The following DYTN variants were observed in gnomAD, a reference collection of about 807,000 sequenced individuals.
DYTN encodes dystrotelin.
Under a neutral mutation model 69.6 loss-of-function variants are expected in DYTN, and 75 were observed. The ratio of observed to expected loss-of-function variants is 1.08; its 90% confidence interval spans 0.89 to 1.31. The LOEUF (loss-of-function observed/expected upper bound fraction) is 1.31, where lower values mean the gene tolerates loss of function less well. Among genes scored for constraint, DYTN ranks in the 50% most tolerant of loss-of-function variants. The pLI, the probability that DYTN is intolerant of heterozygous loss-of-function variation, is 0.00. For missense variants in DYTN, 726 were observed against 688.4 expected (o/e 1.05, Z -0.61); for synonymous variants, 252 against 249.1 (o/e 1.01, Z -0.11).
At chr2:206,663,826 C>T (rs370334271) in intron 10 of DYTN, among the ~76,000 whole-genome samples, 8 of 152,224 alleles carry the variant, frequency 5.3e-5, no homozygotes, top group South Asian at 4.2e-4. Context: ...GGATGTGCTC[C>T]GCTTGAAGCA....
Position 206,718,372 on chromosome 2 carries a change from T to C in DYTN, c.-93A>G, listed in dbSNP as rs1700148568. 1.4e-6 allele frequency: 2 copies of C among 1,414,872 alleles called. No individual in the cohort carries two copies. Among genetic ancestry groups the C allele is most frequent in the Non-Finnish European group, 9.7e-7 (1 of 1,031,228 alleles). The allele number at this position is 1,414,872 out of a possible 1,614,324, so 87.6% of individuals were successfully genotyped here. ...AGCAGAAGGTTTTGCAGCAGAGGAA[T>C]GAGGACAGGGGAACAAAAAGGCAAC... On this transcript the variant is annotated 5_prime_UTR_variant, in exon 1 of 12. Coordinates refer to ENST00000452335, the MANE Select transcript of DYTN (RefSeq NM_001093730.1).
chr2:206,681,609 C>T (rs957082866), intron 9 of DYTN, among the ~76,000 whole-genome samples: 7 of 151,962 alleles, frequency 4.6e-5, no homozygotes, highest in African/African-American at 1.7e-4. Context: ...TTATTGAAGG[C>T]CTTTTCTGCA....
At chr2:206,698,471 C>A (rs189426536) in intron 7 of DYTN, among the ~76,000 whole-genome samples, 2 of 152,140 alleles carry the variant, frequency 1.3e-5, no homozygotes, top group African/African-American at 4.8e-5. Flanking sequence ...GGCCTCTTGT[C>A]CCCTTCTCCT....
rs1392435451 is a variant in DYTN at position 206,651,930 on chromosome 2, A to C, written c.1634-9T>G. ...TACTGAAGACTCCGGGCCTGAAATC[A>C]ACAAACAAGAGAGTCATTTAGAGAA... On this transcript the variant is annotated splice_polypyrimidine_tract_variant and intron_variant, in intron 11 of 11. Transcript: ENST00000452335. The C allele has an allele frequency of 2.5e-6, 4 of 1,608,546 alleles. No individual in the cohort carries two copies. The Middle Eastern group carries it at 5.0e-4, about 200-fold the overall frequency.
chr2:206,709,614 T>G (rs1700061076), intron 2 of DYTN, among the ~76,000 whole-genome samples: 1 of 152,082 alleles, frequency 6.6e-6, no homozygotes. Context: ...TACCCTACAT[T>G]CACATATATT....
intron 1 of DYTN, among the ~76,000 whole-genome samples, chr2:206,715,322 T>C (rs1460130640): frequency 2.6e-5 from 4 of 152,052 alleles, no homozygotes; most frequent in Non-Finnish European, 5.9e-5. Flanking sequence ...GCCTTCCTCA[T>C]TGAGATTCCT....
chr2:206,692,450 C>A (rs1003774353), intron 9 of DYTN, among the ~76,000 whole-genome samples: 3 of 152,038 alleles, frequency 2.0e-5, no homozygotes, highest in African/African-American at 7.2e-5. Context: ...ATTTGGCATT[C>A]TGAATTTCGA....
At position 206,705,811 on chromosome 2, in the gene DYTN, T is replaced by C; in HGVS notation, c.359A>G (p.Asp120Gly). ...ACCTCGGTATTTTGAAAGAGGGCTG[T>C]CTCCTGAGAGGGTTATTAGGGCAGC... Reference protein sequence around the residue: ...AAAALITLSGDSPLSKYRALF... With the variant: ...AAAALITLSGGSPLSKYRALF... The change falls in exon 4 of 12, where the codon GAC becomes GGC. Residue 120 changes from aspartate to glycine, a missense_variant. Coordinates refer to ENST00000452335, the MANE Select transcript of DYTN (RefSeq NM_001093730.1). The C allele has an allele frequency of 2.5e-6, 4 of 1,613,878 alleles. No homozygotes were observed. Among genetic ancestry groups the C allele is most frequent in the Non-Finnish European group, 3.4e-6 (4 of 1,179,854 alleles).
intron 1 of DYTN, among the ~76,000 whole-genome samples, chr2:206,717,405 G>C (rs904246102): frequency 1.8e-4 from 28 of 152,176 alleles, no homozygotes; most frequent in African/African-American, 6.8e-4. Context: ...CTGGGAACCT[G>C]TTAGAAATGT....
chr2:206,704,819 A>G lies in DYTN; in HGVS notation c.483+24T>C, dbSNP rs1442212802. On this transcript the variant is annotated intron_variant, in intron 5 of 11. Transcript: ENST00000452335. ...GGCAAATTAACTGAAACAAATGTAC[A>G]GTTCTTAAGTATTAGGAATTTACCT... 2.5e-6 allele frequency: 4 copies of G among 1,590,032 alleles called. No individual in the cohort carries two copies. The Admixed American group carries it at 6.8e-5, about 27-fold the overall frequency.
chr2:206,704,981 T>G (rs775251134), intron 4 of DYTN, 38 bp from the exon 5 acceptor site: 16 of 1,523,332 alleles, frequency 1.1e-5, no homozygotes, highest in Non-Finnish European at 1.4e-5. Flanking sequence ...AATTGAATAC[T>G]TGCAATGTAT....
At chr2:206,687,686 G>A (rs1407907682) in intron 9 of DYTN, among the ~76,000 whole-genome samples, 1 of 151,656 alleles carries the variant, frequency 6.6e-6, no homozygotes, top group African/African-American at 2.4e-5. Flanking sequence ...TTTAGTATAT[G>A]GGGCAAAATA....
chr2:206,682,296 T>A (rs1165702827), intron 9 of DYTN, among the ~76,000 whole-genome samples: 1 of 152,190 alleles, frequency 6.6e-6, no homozygotes, highest in Non-Finnish European at 1.5e-5. Flanking sequence ...GCCAGTGGTC[T>A]ATCTATTTTG....
At chr2:206,713,932 G>C (rs528900942) in intron 1 of DYTN, among the ~76,000 whole-genome samples, 3 of 152,340 alleles carry the variant, frequency 2.0e-5, no homozygotes, top group South Asian at 4.1e-4. Context: ...GTGTGCTGGG[G>C]AGTTTTGTGA....
intron 9 of DYTN, among the ~76,000 whole-genome samples, chr2:206,685,319 GC>G (rs1159815975): frequency 6.6e-6 from 1 of 151,616 alleles, no homozygotes; most frequent in Non-Finnish European, 1.5e-5. Context: ...GCACCACCAC[GC>G]CCAGATAATT....
intron 4 of DYTN, among the ~76,000 whole-genome samples, chr2:206,705,320 A>G (rs1700014670): frequency 6.6e-6 from 1 of 151,962 alleles, no homozygotes; most frequent in Admixed American, 6.6e-5. Context: ...CTGGTCTCGA[A>G]CTCCCAACCT....
intron 1 of DYTN, among the ~76,000 whole-genome samples, chr2:206,714,218 T>C (rs1700106152): frequency 6.6e-6 from 1 of 152,202 alleles, no homozygotes; most frequent in African/African-American, 2.4e-5. Context: ...CTTTTCTTTT[T>C]TGTTTTGAGA....
At chr2:206,685,549 A>T (rs1355594094) in intron 9 of DYTN, among the ~76,000 whole-genome samples, 2 of 152,126 alleles carry the variant, frequency 1.3e-5, no homozygotes, top group Non-Finnish European at 2.9e-5. Context: ...CAACAGACTC[A>T]TCATTGACTT....
intron 9 of DYTN, among the ~76,000 whole-genome samples, chr2:206,675,006 C>G (rs1003380802): frequency 1.3e-5 from 2 of 151,378 alleles, no homozygotes; most frequent in Admixed American, 6.6e-5. Flanking sequence ...GCCCCATTAT[C>G]TCTTGAATTA....
Sources: allele counts gnomAD v4.1 joint callset (sites outside exome capture counted in the v4.1 genomes callset), GRCh38; gene constraint gnomAD v4.1.1; transcripts MANE v1.5; gene names NCBI Gene and HGNC (gene_info 2026-07-23, HGNC 2026-07-21).